Variants in ABCB1 observed in about 807,000 individuals in gnomAD.
ABCB1 encodes the protein ATP-dependent translocase ABCB1.
In ABCB1, 69 loss-of-function variants were observed where a neutral mutation model predicts 142.0. The ratio of observed to expected loss-of-function variants is 0.49; its 90% confidence interval spans 0.40 to 0.59. ABCB1 has a LOEUF of 0.59. Ranked by LOEUF, ABCB1 falls within the 20% of genes least tolerant of loss-of-function variation. The probability of loss-of-function intolerance (pLI) is 0.00; values close to 1 mark genes in which losing one functional copy is unlikely to be tolerated. For missense variants in ABCB1, 1,326 were observed against 1,554.7 expected (o/e 0.85, Z 2.47); for synonymous variants, 532 against 539.2 (o/e 0.99, Z 0.18).
chr7:87,610,232 C>CTTTTTTT (rs914468581), intron 1 of ABCB1, among the ~76,000 whole-genome samples: 3 of 117,054 alleles, frequency 2.6e-5, no homozygotes, highest in African/African-American at 3.2e-5. Context: ...CTTTTTCTTT[C>CTTTTTTT]TTTTTTTTTT....
At chr7:87,669,585 A>T (rs577096204) in intron 1 of ABCB1, among the ~76,000 whole-genome samples, 19 of 152,280 alleles carry the variant, frequency 1.2e-4, no homozygotes, top group East Asian at 5.8e-4. Flanking sequence ...TGTGTGTTTA[A>T]GCATGTTTTT....
In ABCB1 at chr7:87,613,024, TTTTA is replaced by T. The variant is rs1430970005; in HGVS notation, c.-330-11950_-330-11947del. Among the ~76,000 whole-genome samples, 4 of 150,370 alleles carry T rather than the reference TTTTA, an allele frequency of 2.7e-5. 1 individual carries two copies. The highest frequency in any genetic ancestry group is 9.9e-5 in the African/African-American group (4 of 40,450). ...AGGTTTTGGTGGGTTTTTTTTTTTT[TTTTA>T]ATCTATTGTAAGGGGGATTGGGTTC... is the stretch of plus-strand genomic sequence containing the variant. On this transcript the variant is annotated intron_variant, in intron 1 of 28. Coordinates refer to the ABCB1 transcript ENST00000265724.
intron 1 of ABCB1, among the ~76,000 whole-genome samples, chr7:87,615,088 C>T (rs1352497789): frequency 1.3e-5 from 2 of 152,134 alleles, no homozygotes; most frequent in East Asian, 1.9e-4. Context: ...CCGCCCGCCT[C>T]GGCCTCCCAA....
chr7:87,546,249 T>C (rs1563045147), intron 14 of ABCB1, among the ~76,000 whole-genome samples: 2 of 152,344 alleles, frequency 1.3e-5, no homozygotes, highest in African/African-American at 2.4e-5. Context: ...ATATTAATAT[T>C]ATGTAAGCCC....
At chr7:87,558,934 T>C (rs1817428731) in intron 8 of ABCB1, among the ~76,000 whole-genome samples, 1 of 152,146 alleles carries the variant, frequency 6.6e-6, no homozygotes, top group Non-Finnish European at 1.5e-5. Flanking sequence ...GTTCAGGATG[T>C]TTTCAATTTG....
chr7:87,599,515 GA>G (rs1215095006), intron 2 of ABCB1, among the ~76,000 whole-genome samples: 1 of 152,162 alleles, frequency 6.6e-6, no homozygotes, highest in African/African-American at 2.4e-5. Flanking sequence ...TTGAAAAGCA[GA>G]AGTTCATAAG....
intron 1 of ABCB1, chr7:87,629,104 A>G: frequency 7.9e-6 from 5 of 636,808 alleles, no homozygotes; most frequent in Non-Finnish European, 1.2e-5. Context: ...CTCCTTGGAC[A>G]GGGGCCCGGG....
At chr7:87,707,686 A>G (rs1254917881) in intron 1 of ABCB1, among the ~76,000 whole-genome samples, 1 of 151,886 alleles carries the variant, frequency 6.6e-6, no homozygotes, top group Non-Finnish European at 1.5e-5. Flanking sequence ...AATAAAATAA[A>G]ATAAATAAAT....
intron 1 of ABCB1, among the ~76,000 whole-genome samples, chr7:87,699,531 A>C (rs1024654696): frequency 6.6e-6 from 1 of 152,064 alleles, no homozygotes; most frequent in Non-Finnish European, 1.5e-5. Flanking sequence ...AGCCTCTCTC[A>C]AGTAGCTGGG....
At chr7:87,517,513 GATCCACTATGCCTA>G (rs28401792) in intron 23 of ABCB1, among the ~76,000 whole-genome samples, 4,309 of 152,174 alleles carry the variant, frequency 0.028, 214 homozygotes, top group African/African-American at 0.097. Context: ...GTCCAGCCGA[GATCCACTATGCCTA>G]ATCCAGATCA....
intron 1 of ABCB1, among the ~76,000 whole-genome samples, chr7:87,695,737 G>T (rs1195644803): frequency 1.3e-5 from 2 of 152,068 alleles, no homozygotes. Flanking sequence ...AAAAGATCTT[G>T]TGTCAGCTAC....
chr7:87,551,369 T>C (rs1364873821), intron 9 of ABCB1, among the ~76,000 whole-genome samples: 2 of 152,260 alleles, frequency 1.3e-5, no homozygotes, highest in African/African-American at 2.4e-5. Context: ...AGGAGATAGA[T>C]ATGTTAATTA....
chr7:87,616,478 A>T (rs1345044064), intron 1 of ABCB1, among the ~76,000 whole-genome samples: 1 of 152,206 alleles, frequency 6.6e-6, no homozygotes, highest in Non-Finnish European at 1.5e-5. Context: ...AAAATCATGG[A>T]GCTCTTGCCA....
intron 18 of ABCB1, among the ~76,000 whole-genome samples, chr7:87,540,759 A>C (rs1816500782): frequency 6.6e-6 from 1 of 152,128 alleles, no homozygotes; most frequent in Non-Finnish European, 1.5e-5. Flanking sequence ...CCTCATACTA[A>C]ACTTTTAGAG....
At chr7:87,637,430 A>G (rs529267252) in intron 1 of ABCB1, among the ~76,000 whole-genome samples, 1 of 152,282 alleles carries the variant, frequency 6.6e-6, no homozygotes, top group Non-Finnish European at 1.5e-5. Context: ...TTTAGAATCA[A>G]CTTGTCAATT....
At position 87,544,337 on chromosome 7, in the gene ABCB1, T is replaced by C. The variant is rs1234788572; in HGVS notation, c.2065-62A>G. The C allele has an allele frequency of 1.6e-5, 24 of 1,527,500 alleles. No homozygotes were observed. In the Admixed American group the frequency reaches 1.7e-4, roughly 11 times the overall value. 94.6% of individuals were successfully genotyped at this position (1,527,500 alleles called of 1,614,324 possible). On this transcript the variant is annotated intron_variant, in intron 16 of 27. Transcript: ENST00000622132. ...AACTTTTATATGTACAATTCTTACA[T>C]ACGCACAAAAATTAGTAAAGGAATA... is the stretch of plus-strand genomic sequence containing the variant.
intron 7 of ABCB1, among the ~76,000 whole-genome samples, chr7:87,562,395 G>A (rs994716283): frequency 6.6e-6 from 1 of 152,134 alleles, no homozygotes; most frequent in African/African-American, 2.4e-5. Flanking sequence ...TTCACGGTAG[G>A]AGGTCTGAGA....
chr7:87,518,887 A>G lies in ABCB1; in HGVS notation c.2927+439T>C, dbSNP rs28401784. The G allele has an allele frequency of 6.6e-3, 1,100 of 166,668 alleles. 14 individuals are homozygous for G. The highest frequency in any genetic ancestry group is 0.024 in the African/African-American group (1,019 of 41,850). The allele number at this position is 166,668 out of a possible 1,614,324, so 10.3% of individuals were successfully genotyped here. A position where few individuals can be genotyped will look rare whatever the true frequency, so the allele number is the denominator to read the frequency against. On this transcript the variant is annotated intron_variant, in intron 23 of 27. Coordinates refer to ENST00000622132, the MANE Select transcript of ABCB1 (RefSeq NM_001348946.2). ...GAATTCATTTGGCTCTTACCTTCCA[A>G]TTCCTCTCTTATCAAGGGAAAGTAA...
intron 1 of ABCB1, chr7:87,700,512 C>T: frequency 1.2e-6 from 2 of 1,613,136 alleles, no homozygotes; most frequent in Non-Finnish European, 1.7e-6. Flanking sequence ...ATTGTATCTG[C>T]AGCATTGAAA....
Sources: allele counts gnomAD v4.1 joint callset (sites outside exome capture counted in the v4.1 genomes callset), GRCh38; gene constraint gnomAD v4.1.1; transcripts MANE v1.5; gene names NCBI Gene and HGNC (gene_info 2026-07-23, HGNC 2026-07-21).